The following ZNF641 variants were observed in gnomAD, a reference collection of about 807,000 sequenced individuals.
ZNF641 encodes zinc finger protein 641.
Under a neutral mutation model 46.2 loss-of-function variants are expected in ZNF641, and 26 were observed. The ratio of observed to expected loss-of-function variants is 0.56; its 90% CI spans 0.41 to 0.78. The LOEUF is 0.78. ZNF641 is among the 30% of genes least tolerant of loss of function. The probability of loss-of-function intolerance (pLI) is 0.00; values close to 1 mark genes in which losing one functional copy is unlikely to be tolerated. For missense variants in ZNF641, 469 were observed against 517.8 expected (o/e 0.91, Z 0.91); for synonymous variants, 163 against 187.9 (o/e 0.87, Z 1.09).
chr12:48,343,751 C>T (rs1952786146), intron 5 of ZNF641, 24 bp from the exon 6 acceptor site: 37 of 1,448,742 alleles, frequency 2.6e-5, no homozygotes, highest in Non-Finnish European at 3.3e-5. Flanking sequence ...GAAATACCAA[C>T]CCCAAGAGAA....
In ZNF641 at chr12:48,342,891, G is replaced by C; in HGVS notation, c.*82C>G. 1 of 1,520,200 alleles carries C rather than the reference G, an allele frequency of 6.6e-7. No individual in the cohort carries two copies. 94.2% of individuals were successfully genotyped at this position (1,520,200 alleles called of 1,614,324 possible). On this transcript the variant is annotated 3_prime_UTR_variant, in exon 6 of 6. Transcript: ENST00000547026. ...AGGGCTTATGATTCTGGCCACTGGG[G>C]TTCAGGAGAACGGCAGCCCTGGCAG...
Position 48,342,425 on chromosome 12 carries a change from G to A in ZNF641, c.*548C>T. 2.0e-6 allele frequency: 2 copies of A among 986,852 alleles called. No individual in the cohort carries two copies. Among genetic ancestry groups the A allele is most frequent in the Non-Finnish European group, 2.4e-6 (2 of 830,994 alleles). The allele number at this position is 986,852 out of a possible 1,614,324, so 61.1% of individuals were successfully genotyped here. A position where few individuals can be genotyped will look rare whatever the true frequency, so the allele number is the denominator to read the frequency against. On this transcript the variant is annotated 3_prime_UTR_variant, in exon 6 of 6. Transcript: ENST00000547026. ...TTTCCTTGTTACTCTCTAACCCAGT[G>A]TTCACCAGAGTGTTTCATAGTCACC...
rs966460454 is a variant in ZNF641, at chr12:48,339,977, A to C, written c.*2996T>G. On this transcript the variant is annotated 3_prime_UTR_variant, in exon 6 of 6. Coordinates refer to ENST00000547026, the MANE Select transcript of ZNF641 (RefSeq NM_001172681.2). ...TAGGGTGGAGGTACCAGATGGAAAAATGTGACAGGTTCCTGAAGATGATAT... is the reference window on the plus strand; with the variant it reads ...TAGGGTGGAGGTACCAGATGGAAAACTGTGACAGGTTCCTGAAGATGATAT... 7 of 985,336 alleles carry C rather than the reference A, an allele frequency of 7.1e-6. No homozygotes were observed. In the African/African-American group the frequency reaches 1.2e-4, roughly 17 times the overall value. 61.0% of individuals were successfully genotyped at this position (985,336 alleles called of 1,614,324 possible). A position where few individuals can be genotyped will look rare whatever the true frequency, so the allele number is the denominator to read the frequency against.
In ZNF641 at chr12:48,350,859, T is replaced by G; in HGVS notation, c.-99A>C. ...CTGCCCCTCCCCTCCGCCCTCCGCT[T>G]GCGTCTGGGAGCCGGCGGCCGGCGG... On this transcript the variant is annotated 5_prime_UTR_variant, in exon 1 of 6. Coordinates refer to ENST00000547026, the MANE Select transcript of ZNF641 (RefSeq NM_001172681.2). The G allele has an allele frequency of 2.0e-6, 2 of 984,860 alleles. No homozygotes were observed. Among genetic ancestry groups the G allele is most frequent in the East Asian group, 1.1e-4 (1 of 8,776 alleles). 61.0% of individuals were successfully genotyped at this position (984,860 alleles called of 1,614,324 possible). A position where few individuals can be genotyped will look rare whatever the true frequency, so the allele number is the denominator to read the frequency against.
intron 1 of ZNF641, chr12:48,350,293 G>C: frequency 2.2e-6 from 3 of 1,352,396 alleles, no homozygotes; most frequent in Non-Finnish European, 2.9e-6. Context: ...GTAGCCCAAG[G>C]GCACACGGAC....
chr12:48,343,423 C>G lies in ZNF641; in HGVS notation c.825G>C (p.Glu275Asp). The change falls in exon 6 of 6, where the codon GAG (glutamate) becomes GAC (aspartate). Residue 275 changes from glutamate (E) to aspartate (D), a missense_variant. This residue lies in a region of ZNF641 where 346 missense variants were observed against 354.0 expected (regional missense o/e 0.98). Coordinates refer to ENST00000547026, the MANE Select transcript of ZNF641 (RefSeq NM_001172681.2). The stretch of plus-strand genomic sequence containing the variant: ...CACACTTGAGGCAGCTGTAGGGTCT[C>G]TCCCCAGTGTGTGTTTGTTGATGCC... Reference protein sequence around the residue: ...LARHQQTHTGERPYSCLKCEK... With the variant: ...LARHQQTHTGDRPYSCLKCEK... 1 of 1,614,244 alleles carries G rather than the reference C, an allele frequency of 6.2e-7. No individual in the cohort carries two copies. Among genetic ancestry groups the G allele is most frequent in the Non-Finnish European group, 8.5e-7 (1 of 1,180,040 alleles).
At chr12:48,348,496 G>A (rs1284838766) in intron 1 of ZNF641, among the ~76,000 whole-genome samples, 1 of 152,184 alleles carries the variant, frequency 6.6e-6, no homozygotes, top group African/African-American at 2.4e-5. Flanking sequence ...CATACAGGAA[G>A]AAATACATAT....
chr12:48,342,853 T>C lies in ZNF641; in HGVS notation c.*120A>G. On this transcript the variant is annotated 3_prime_UTR_variant, in exon 6 of 6. Coordinates refer to ENST00000547026, the MANE Select transcript of ZNF641 (RefSeq NM_001172681.2). ...GGCCATTGCTGGGACCTCATCTTTC[T>C]AGGGATGGGGTCAGGGCTTATGATT... The C allele has an allele frequency of 3.4e-6, 5 of 1,461,150 alleles. No individual in the cohort carries two copies. The highest frequency in any genetic ancestry group is 4.8e-5 in the East Asian group (2 of 41,762). 90.5% of individuals were successfully genotyped at this position (1,461,150 alleles called of 1,614,324 possible). A position where few individuals can be genotyped will look rare whatever the true frequency, so the allele number is the denominator to read the frequency against.
Position 48,337,191 on chromosome 12 carries a change from A to G in ZNF641, c.*5782T>C, listed in dbSNP as rs2136163392. ...AGAGAACAAATAAGTGACACAGCCA[A>G]TACATCTTTTATTCAACTGACAGGG... On this transcript the variant is annotated 3_prime_UTR_variant, in exon 6 of 6. Coordinates refer to ENST00000547026, the MANE Select transcript of ZNF641 (RefSeq NM_001172681.2). 6.6e-6 allele frequency: 1 copy of G among 152,404 alleles called. No homozygotes were observed. Among genetic ancestry groups the G allele is most frequent in the East Asian group, 1.9e-4 (1 of 5,186 alleles). 9.4% of individuals were successfully genotyped at this position (152,404 alleles called of 1,614,324 possible). A position where few individuals can be genotyped will look rare whatever the true frequency, so the allele number is the denominator to read the frequency against.
chr12:48,344,008 G>A (rs904061161), intron 5 of ZNF641, among the ~76,000 whole-genome samples: 6 of 152,230 alleles, frequency 3.9e-5, no homozygotes, highest in Admixed American at 6.5e-5. Context: ...CTCTCTCTCC[G>A]GCAGTTATAA....
rs972807988 is a variant in ZNF641 at position 48,350,863 on chromosome 12, T to G, written c.-103A>C. On this transcript the variant is annotated 5_prime_UTR_variant, in exon 1 of 6. Coordinates refer to ENST00000547026, the MANE Select transcript of ZNF641 (RefSeq NM_001172681.2). ...CCCTCCCCTCCGCCCTCCGCTTGCGTCTGGGAGCCGGCGGCCGGCGGAGCC... is the reference window on the plus strand; with the variant it reads ...CCCTCCCCTCCGCCCTCCGCTTGCGGCTGGGAGCCGGCGGCCGGCGGAGCC... 2.0e-6 allele frequency: 2 copies of G among 984,670 alleles called. No individual in the cohort carries two copies. The highest frequency in any genetic ancestry group is 9.4e-5 in the South Asian group (2 of 21,280). 61.0% of individuals were successfully genotyped at this position (984,670 alleles called of 1,614,324 possible). A position where few individuals can be genotyped will look rare whatever the true frequency, so the allele number is the denominator to read the frequency against.
intron 4 of ZNF641, among the ~76,000 whole-genome samples, chr12:48,344,997 C>T (rs1489109): frequency 4.6e-5 from 7 of 151,728 alleles, no homozygotes; most frequent in South Asian, 4.2e-4. Flanking sequence ...AGTCCTACTA[C>T]GACAGTCCTA....
In ZNF641 at chr12:48,342,689, TA is replaced by T; in HGVS notation, c.*283del. 1.1e-6 allele frequency: 1 copy of T among 945,210 alleles called. No homozygotes were observed. Among genetic ancestry groups the T allele is most frequent in the Non-Finnish European group, 1.4e-6 (1 of 713,656 alleles). The allele number at this position is 945,210 out of a possible 1,614,324, so 58.6% of individuals were successfully genotyped here. On this transcript the variant is annotated 3_prime_UTR_variant, in exon 6 of 6. Transcript: ENST00000547026. ...AACCAATCAGAATGGATTTCAGCCA[TA>T]AACTGCCAGTACCACTCTCCTCTTG...
Position 48,347,309 on chromosome 12 carries a change from C to T in ZNF641, c.219G>A (p.Gln73=), listed in dbSNP as rs755120985. The change falls in exon 3 of 6, where the codon CAG becomes CAA. Residue 73 remains glutamine, a synonymous_variant. Coordinates refer to ENST00000547026, the MANE Select transcript of ZNF641 (RefSeq NM_001172681.2). ...TCTCCCAGTCTCCAGTGTTCCCCTC[C>T]TGGGGAATTGCAGGAACCCAGGGAG... ...QSAPWVPAIP[Q]EGNTGDWEMA... is the part of the protein sequence containing the mutation. 2.6e-5 allele frequency: 42 copies of T among 1,613,314 alleles called. No homozygotes were observed. The highest frequency in any genetic ancestry group is 3.4e-5 in the Non-Finnish European group (40 of 1,179,572).
downstream of ZNF641, among the ~76,000 whole-genome samples, chr12:48,335,921 C>T (rs1373472508): frequency 6.6e-6 from 1 of 152,196 alleles, no homozygotes; most frequent in Non-Finnish European, 1.5e-5. Flanking sequence ...CAATTCTTTG[C>T]TTTTCTTTTA....
At chr12:48,346,358 A>C (rs1952870938) in intron 3 of ZNF641, among the ~76,000 whole-genome samples, 1 of 152,104 alleles carries the variant, frequency 6.6e-6, no homozygotes, top group African/African-American at 2.4e-5. Context: ...TGGATAACTG[A>C]GTTGTTCTCA....
At position 48,342,078 on chromosome 12, in the gene ZNF641, CAAG is replaced by C; in HGVS notation, c.*892_*894del. On this transcript the variant is annotated 3_prime_UTR_variant, in exon 6 of 6. Coordinates refer to ENST00000547026, the MANE Select transcript of ZNF641 (RefSeq NM_001172681.2). ...AAATACACAGACACATAAAGACAGT[CAAG>C]AGGAGAGAGGGGACTGTTCAAGGGG... 1.1e-5 allele frequency: 11 copies of C among 985,390 alleles called. No homozygotes were observed. The highest frequency in any genetic ancestry group is 1.3e-5 in the Non-Finnish European group (11 of 829,964). 61.0% of individuals were successfully genotyped at this position (985,390 alleles called of 1,614,324 possible).
chr12:48,342,072 G>A lies in ZNF641; in HGVS notation c.*901C>T. On this transcript the variant is annotated 3_prime_UTR_variant, in exon 6 of 6. Transcript: ENST00000547026. Reference sequence around the variant, plus strand: ...GCACACAAATACACAGACACATAAAGACAGTCAAGAGGAGAGAGGGGACTG... The same window carrying A: ...GCACACAAATACACAGACACATAAAAACAGTCAAGAGGAGAGAGGGGACTG... The A allele has an allele frequency of 2.0e-6, 2 of 985,426 alleles. No individual in the cohort carries two copies. Among genetic ancestry groups the A allele is most frequent in the Non-Finnish European group, 2.4e-6 (2 of 829,956 alleles). The allele number at this position is 985,426 out of a possible 1,614,324, so 61.0% of individuals were successfully genotyped here. A position where few individuals can be genotyped will look rare whatever the true frequency, so the allele number is the denominator to read the frequency against.
At chr12:48,349,951 C>A in intron 1 of ZNF641, 1 of 1,470,414 alleles carries the variant, frequency 6.8e-7, no homozygotes, top group Non-Finnish European at 9.5e-7. Flanking sequence ...CCTCTTTGTG[C>A]AGAGCCCATT....
Sources: gnomAD v4.1 joint callset for allele counts (sites outside exome capture counted in the v4.1 genomes callset) on GRCh38, gnomAD v4.1.1 for gene constraint, gnomAD v4.1.1 regional missense constraint, MANE v1.5 for transcripts, NCBI Gene and HGNC (gene_info 2026-07-23, HGNC 2026-07-21) for gene names.